Variants in CDH13 observed in about 807,000 individuals in gnomAD.
The protein encoded by CDH13 is cadherin 13.
Under a neutral mutation model 63.8 loss-of-function variants are expected in CDH13, and 24 were observed. The ratio of observed to expected loss-of-function variants is 0.38; its 90% CI spans 0.27 to 0.53. The LOEUF (loss-of-function observed/expected upper bound fraction) is 0.53, where lower values mean the gene tolerates loss of function less well. CDH13 is among the 20% of genes least tolerant of loss of function. The probability of loss-of-function intolerance (pLI) is 0.85; values close to 1 mark genes in which losing one functional copy is unlikely to be tolerated. For missense variants in CDH13, 1,049 were observed against 903.1 expected, an observed-to-expected ratio of 1.16 and a Z score of -2.07; for synonymous variants, 503 against 355.3, an observed-to-expected ratio of 1.42 and a Z score of -4.67.
chr16:83,201,784 G>C (rs548951198), intron 4 of CDH13, among the ~76,000 whole-genome samples: 2 of 151,656 alleles, frequency 1.3e-5, no homozygotes, highest in Admixed American at 1.3e-4. Flanking sequence ...GGGCGTGGTA[G>C]CGGGTGCCTG....
At chr16:83,173,716 A>C (rs2038014237) in intron 4 of CDH13, among the ~76,000 whole-genome samples, 1 of 152,116 alleles carries the variant, frequency 6.6e-6, no homozygotes, top group African/African-American at 2.4e-5. Context: ...TAGAGAACAC[A>C]GCCAAAGATC....
chr16:83,600,885 G>A (rs1175293856), intron 7 of CDH13, among the ~76,000 whole-genome samples: 1 of 152,072 alleles, frequency 6.6e-6, no homozygotes, highest in African/African-American at 2.4e-5. Flanking sequence ...TGAGATTCCA[G>A]TATAATTAAT....
intron 11 of CDH13, among the ~76,000 whole-genome samples, chr16:83,761,679 G>C (rs576970662): frequency 1.3e-5 from 2 of 152,238 alleles, no homozygotes; most frequent in South Asian, 4.1e-4. Flanking sequence ...TCAGATTATA[G>C]TTCACTATGT....
At chr16:83,602,626 T>G (rs373529427) in intron 8 of CDH13, 32 bp downstream of exon 8, 6 of 1,610,902 alleles carry the variant, frequency 3.7e-6, no homozygotes, top group Admixed American at 1.7e-5. Flanking sequence ...CAACCACCAC[T>G]GTGGTCACAG....
intron 2 of CDH13, among the ~76,000 whole-genome samples, chr16:82,877,973 A>G (rs1941852565): frequency 6.8e-6 from 1 of 147,934 alleles, no homozygotes; most frequent in Non-Finnish European, 1.5e-5. Flanking sequence ...ATACACACAC[A>G]CACACTCTAT....
intron 10 of CDH13, chr16:83,717,728 A>C (rs922150071): frequency 2.0e-5 from 3 of 152,284 alleles, no homozygotes; most frequent in African/African-American, 7.2e-5. Context: ...TTTGGAGAAA[A>C]AGTAGGCCAA....
At chr16:83,486,956 C>T (rs1419492153) in intron 7 of CDH13, among the ~76,000 whole-genome samples, 1 of 152,098 alleles carries the variant, frequency 6.6e-6, no homozygotes, top group African/African-American at 2.4e-5. Flanking sequence ...GCCTCTGGCC[C>T]CTGCTTTAAT....
chr16:82,866,377 CTTTTTTTTTTTT>C (rs538206338), intron 2 of CDH13, among the ~76,000 whole-genome samples: 624 of 58,362 alleles, frequency 0.011, 8 homozygotes, highest in African/African-American at 0.042. Flanking sequence ...TTTTCTTCTT[CTTTTTTTTTTTT>C]TTTTTTTTTT....
chr16:83,598,466 C>A (rs1452078710), intron 7 of CDH13, among the ~76,000 whole-genome samples: 1 of 152,154 alleles, frequency 6.6e-6, no homozygotes, highest in Non-Finnish European at 1.5e-5. Flanking sequence ...ACGATGTATT[C>A]ATAAAATGAT....
At chr16:83,494,596 T>C (rs2074093468) in intron 7 of CDH13, among the ~76,000 whole-genome samples, 1 of 152,206 alleles carries the variant, frequency 6.6e-6, no homozygotes, top group African/African-American at 2.4e-5. Context: ...AGTAACTGTT[T>C]TGTACTTCCT....
intron 5 of CDH13, among the ~76,000 whole-genome samples, chr16:83,327,199 G>A (rs146464756): frequency 1.2e-4 from 19 of 152,270 alleles, no homozygotes; most frequent in Middle Eastern, 3.4e-3. Context: ...AGTAATACAC[G>A]TGTGAGAACA....
rs190803608 is a variant in CDH13 at position 83,250,984 on chromosome 16, C to A, written c.636+33487C>A. 5.8e-4 allele frequency among the ~76,000 whole-genome samples: 89 copies of A among 152,150 alleles called. 3 individuals carry two copies. In the East Asian group the frequency reaches 0.016, roughly 27 times the overall value. ...AGACTTTTAAAATATGGTTTATATG[C>A]TCGGTGGTTCGGTAAAGGTTTTTCT... On this transcript the variant is annotated intron_variant, in intron 5 of 13. Coordinates refer to ENST00000567109, the MANE Select transcript of CDH13 (RefSeq NM_001257.5).
chr16:83,675,791 A>T (rs897622785), intron 9 of CDH13, among the ~76,000 whole-genome samples: 5 of 152,238 alleles, frequency 3.3e-5, no homozygotes, highest in African/African-American at 4.8e-5. Context: ...AGGGAATTTA[A>T]AAGGCAGAAA....
At chr16:83,581,375 C>T (rs902359009) in intron 7 of CDH13, among the ~76,000 whole-genome samples, 4 of 152,212 alleles carry the variant, frequency 2.6e-5, no homozygotes, top group African/African-American at 9.6e-5. Context: ...ATATTTCAGA[C>T]TTAAATATTC....
rs372778873 is a variant in CDH13 at position 82,669,968 on chromosome 16, A to C, written c.45+42831A>C. ...TTGCAGCCTGTACATTTTCCCTTTA[A>C]AAGATAAAGAGAAACCATTATGCAG... On this transcript the variant is annotated intron_variant, in intron 1 of 13. Transcript: ENST00000567109. Among the ~76,000 whole-genome samples the C allele has an allele frequency of 5.3e-5, 8 of 152,322 alleles. No individual in the cohort carries two copies. The East Asian group carries it at 1.3e-3, about 26-fold the overall frequency.
In CDH13 at chr16:82,710,384, T is replaced by C. The variant is rs2031819871; in HGVS notation, c.45+83247T>C. 2.1e-5 allele frequency among the ~76,000 whole-genome samples: 3 copies of C among 145,638 alleles called. No individual in the cohort carries two copies. In the Admixed American group the frequency reaches 2.1e-4, roughly 10 times the overall value. ...CCATCTCTACTATAAATACAAAAAA[T>C]TAGCTGCGCATGGTGGTGGGTGCTG... On this transcript the variant is annotated intron_variant, in intron 1 of 13. Coordinates refer to ENST00000567109, the MANE Select transcript of CDH13 (RefSeq NM_001257.5).
intron 8 of CDH13, among the ~76,000 whole-genome samples, chr16:83,618,778 T>C (rs1909530975): frequency 6.7e-6 from 1 of 149,822 alleles, no homozygotes; most frequent in African/African-American, 2.5e-5. Context: ...TGTTAATAAA[T>C]AATACATAAA....
At chr16:82,726,050 A>G (rs1170756308) in intron 1 of CDH13, among the ~76,000 whole-genome samples, 3 of 152,112 alleles carry the variant, frequency 2.0e-5, no homozygotes, top group African/African-American at 7.2e-5. Context: ...TGCTTAGGGA[A>G]CTGGTACAGG....
intron 5 of CDH13, among the ~76,000 whole-genome samples, chr16:83,224,015 A>G (rs921495704): frequency 6.6e-6 from 1 of 152,188 alleles, no homozygotes; most frequent in African/African-American, 2.4e-5. Flanking sequence ...CCAAGTCCCC[A>G]AAGTCCATTG....
Sources: allele counts gnomAD v4.1 joint callset (sites outside exome capture counted in the v4.1 genomes callset), GRCh38; gene constraint gnomAD v4.1.1; transcripts MANE v1.5; gene names NCBI Gene and HGNC (gene_info 2026-07-23, HGNC 2026-07-21).